ATP13A2: variants seen among roughly 807,000 people sequenced by gnomAD.
ATP13A2 encodes the protein ATPase cation transporting 13A2, also known as polyamine-transporting ATPase 13A2.
Under a neutral mutation model 138.3 loss-of-function variants are expected in ATP13A2, and 83 were observed. That is an observed-to-expected ratio of 0.60 (90% CI 0.50 to 0.72). ATP13A2 has a LOEUF of 0.72. ATP13A2 is among the 30% of genes least tolerant of loss of function. The probability of loss-of-function intolerance (pLI) is 0.00; values close to 1 mark genes in which losing one functional copy is unlikely to be tolerated. For missense variants in ATP13A2, 1,402 were observed against 1,606.4 expected (o/e 0.87, Z 2.17); for synonymous variants, 663 against 699.0 (o/e 0.95, Z 0.81).
In ATP13A2 at chr1:17,002,276, C is replaced by T. The variant is rs747712505; in HGVS notation, c.635+20G>A. On this transcript the variant is annotated intron_variant, in intron 7 of 28. Coordinates refer to ENST00000326735, the MANE Select transcript of ATP13A2 (RefSeq NM_022089.4). Reference sequence around the variant, plus strand: ...AGGAGCCCCAGTTCTCAGGGCACCCCGGTCCAGGGCAGCACTGACCTCACC... The same window carrying T: ...AGGAGCCCCAGTTCTCAGGGCACCCTGGTCCAGGGCAGCACTGACCTCACC... The T allele has an allele frequency of 1.1e-5, 18 of 1,611,366 alleles. No homozygotes were observed. The highest frequency in any genetic ancestry group is 2.2e-5 in the South Asian group (2 of 90,352).
At chr1:17,008,615 C>A (rs1430405679) in intron 1 of ATP13A2, among the ~76,000 whole-genome samples, 1 of 152,120 alleles carries the variant, frequency 6.6e-6, no homozygotes, top group Non-Finnish European at 1.5e-5. Flanking sequence ...GGCTGTCCCA[C>A]GGCTCCCTAG....
chr1:16,988,302 C>T lies in ATP13A2; in HGVS notation c.2762+20G>A. 1 of 1,614,208 alleles carries T rather than the reference C, an allele frequency of 6.2e-7. No homozygotes were observed. The highest frequency in any genetic ancestry group is 8.5e-7 in the Non-Finnish European group (1 of 1,180,038). On this transcript the variant is annotated intron_variant, in intron 24 of 28. Coordinates refer to ENST00000326735, the MANE Select transcript of ATP13A2 (RefSeq NM_022089.4). The stretch of plus-strand genomic sequence containing the variant: ...ACCAGCCCTGCTGAGCCCTCACCCA[C>T]CGGTCCCTGCCTGCCTTACCTGATG...
At position 16,992,463 on chromosome 1, in the gene ATP13A2, C is replaced by A. The variant is rs754237802; in HGVS notation, c.1845+23G>T. The A allele has an allele frequency of 1.4e-5, 23 of 1,613,752 alleles. No homozygotes were observed. The East Asian group carries it at 5.1e-4, about 36-fold the overall frequency. ...GGGAGCCCACCCCTCTGCCCTGCAC[C>A]CAACAGGCCCCCCTCAGCTCACCAT... On this transcript the variant is annotated intron_variant, in intron 17 of 28. Coordinates refer to ENST00000326735, the MANE Select transcript of ATP13A2 (RefSeq NM_022089.4).
At chr1:16,990,792 G>C (rs2076903613) in intron 20 of ATP13A2, among the ~76,000 whole-genome samples, 1 of 152,320 alleles carries the variant, frequency 6.6e-6, no homozygotes, top group Admixed American at 6.5e-5. Flanking sequence ...GGAGTGCTGG[G>C]ATTACAGGCA....
intron 16 of ATP13A2, among the ~76,000 whole-genome samples, chr1:16,993,369 G>A (rs1345233319): frequency 1.3e-5 from 2 of 152,142 alleles, no homozygotes; most frequent in Non-Finnish European, 2.9e-5. Flanking sequence ...CACCACGCCC[G>A]GCTAATTTTT....
chr1:16,993,805 C>G lies in ATP13A2; in HGVS notation c.1573G>C (p.Val525Leu). 1 of 1,576,266 alleles carries G rather than the reference C, an allele frequency of 6.3e-7. No homozygotes were observed. Among genetic ancestry groups the G allele is most frequent in the Admixed American group, 1.8e-5 (1 of 55,162 alleles). Reference protein sequence around the residue: ...TGTLTEDGLDVMGVVPLKGQA... With the variant: ...TGTLTEDGLDLMGVVPLKGQA... ...CCCTTCAGGGGCACCACCCCCATCA[C>G]GTCTAAGCCGTCCTCAGTGAGGGTG... The change falls in exon 16 of 29, where the codon GTG becomes CTG. Residue 525 changes from valine to leucine, a missense_variant. Val to Leu is a conservative substitution (Grantham distance 32, BLOSUM62 1). Transcript: ENST00000326735.
At chr1:17,008,915 G>A (rs2077669610) in intron 1 of ATP13A2, among the ~76,000 whole-genome samples, 1 of 142,880 alleles carries the variant, frequency 7.0e-6, no homozygotes, top group African/African-American at 2.6e-5. Context: ...AGTGAGCTGA[G>A]ATCACGCCAC....
rs1198645332 is a variant in ATP13A2, at chr1:16,996,453, G to A, written c.1239C>T (p.His413=). 5 of 1,614,132 alleles carry A rather than the reference G, an allele frequency of 3.1e-6. No individual in the cohort carries two copies. The highest frequency in any genetic ancestry group is 1.6e-4 in the Middle Eastern group (1 of 6,062). The part of the protein sequence containing the change: ...AKGGLVSSIL[H]PRPINFKFYK... Reference sequence around the variant, plus strand: ...AGAACTTGAAGTTGATGGGCCGGGGGTGCAAGATGGAGCTCACCAGGCCCC... The same window carrying A: ...AGAACTTGAAGTTGATGGGCCGGGGATGCAAGATGGAGCTCACCAGGCCCC... The change falls in exon 13 of 29, where the codon CAC becomes CAT. Residue 413 remains histidine, a synonymous_variant. Transcript: ENST00000326735.
chr1:17,005,551 G>A lies in ATP13A2; in HGVS notation c.111C>T (p.Leu37=), dbSNP rs1331180219. The change falls in exon 3 of 29, where the codon CTC becomes CTT. Residue 37 remains leucine, a synonymous_variant. Coordinates refer to ENST00000326735, the MANE Select transcript of ATP13A2 (RefSeq NM_022089.4). ...TCCATGGACTGCCACAGTAGCCGCT[G>A]AGCCTCTGCGAACGCAGCGAGAGAG... ...PLSSSVSSVR[L]SGYCGSPWRV... The A allele has an allele frequency of 1.4e-5, 23 of 1,614,128 alleles. No individual in the cohort carries two copies. Among genetic ancestry groups the A allele is most frequent in the Non-Finnish European group, 1.5e-5 (18 of 1,180,056 alleles).
chr1:16,990,714 G>A (rs535338219), intron 20 of ATP13A2, among the ~76,000 whole-genome samples: 19 of 152,210 alleles, frequency 1.2e-4, no homozygotes, highest in African/African-American at 4.1e-4. Context: ...TAGAGATGGG[G>A]TTTCACCATG....
At chr1:16,994,525 G>T (rs961240071) in intron 15 of ATP13A2, among the ~76,000 whole-genome samples, 1 of 151,952 alleles carries the variant, frequency 6.6e-6, no homozygotes, top group Non-Finnish European at 1.5e-5. Context: ...GAGCCACCAC[G>T]CCCAGCCTCA....
chr1:16,995,363 GAC>G lies in ATP13A2; in HGVS notation c.1542+611_1542+612del, dbSNP rs1285940786. The G allele has an allele frequency of 1.6e-5, 3 of 186,594 alleles. No individual in the cohort carries two copies. The highest frequency in any genetic ancestry group is 3.4e-5 in the Non-Finnish European group (3 of 88,696). The allele number at this position is 186,594 out of a possible 1,614,324, so 11.6% of individuals were successfully genotyped here. On this transcript the variant is annotated intron_variant, in intron 15 of 28. Coordinates refer to ENST00000326735, the MANE Select transcript of ATP13A2 (RefSeq NM_022089.4). The surrounding 1 kb of genome is among the most constrained non-coding windows in gnomAD (Gnocchi z 4.1). ...TCCTGGATCACTTACTTTGGTGGGG[GAC>G]ACACACACTCCAGTGACCACAAGGA...
At position 17,000,016 on chromosome 1, in the gene ATP13A2, A is replaced by G; in HGVS notation, c.1034T>C (p.Leu345Pro). 1 of 1,607,402 alleles carries G rather than the reference A, an allele frequency of 6.2e-7. No homozygotes were observed. Among genetic ancestry groups the G allele is most frequent in the South Asian group, 1.1e-5 (1 of 90,270 alleles). ...GCCAGGGGCTGGGGGCTCACCTGTCAGAGAGCTCTCATTCACCATGCACTC... is the reference window on the plus strand; with the variant it reads ...GCCAGGGGCTGGGGGCTCACCTGTCGGAGAGCTCTCATTCACCATGCACTC... ...AGECMVNESSLTGESIPVLKT... is the reference protein window; with the variant it reads ...AGECMVNESSPTGESIPVLKT... The change falls in exon 11 of 29, where the codon CTG becomes CCG. Residue 345 changes from leucine (L) to proline (P), a missense_variant. Physicochemically the swap from Leu to Pro is moderately conservative, Grantham distance 98. Transcript: ENST00000326735.
At position 17,011,685 on chromosome 1, in the gene ATP13A2, G is replaced by C; in HGVS notation, c.10+44C>G. Reference sequence around the variant, plus strand: ...AAGGGGTGACGACAACTGGCGGGCCGGGGACCGCGCCGGGCTCGGGGCCGA... The same window carrying C: ...AAGGGGTGACGACAACTGGCGGGCCCGGGACCGCGCCGGGCTCGGGGCCGA... On this transcript the variant is annotated intron_variant, in intron 1 of 28. Coordinates refer to ENST00000326735, the MANE Select transcript of ATP13A2 (RefSeq NM_022089.4). This position sits in a 1 kb window ranked among gnomAD's most constrained non-coding sequence, Gnocchi z 7.3. 1.4e-6 allele frequency: 2 copies of C among 1,478,436 alleles called. No homozygotes were observed. The highest frequency in any genetic ancestry group is 1.8e-6 in the Non-Finnish European group (2 of 1,120,624). The allele number at this position is 1,478,436 out of a possible 1,614,324, so 91.6% of individuals were successfully genotyped here.
At position 17,011,613 on chromosome 1, in the gene ATP13A2, T is replaced by C; in HGVS notation, c.10+116A>G. The C allele has an allele frequency of 7.6e-7, 1 of 1,315,898 alleles. No individual in the cohort carries two copies. Among genetic ancestry groups the C allele is most frequent in the South Asian group, 1.6e-5 (1 of 62,998 alleles). The allele number at this position is 1,315,898 out of a possible 1,614,324, so 81.5% of individuals were successfully genotyped here. ...GGATCCCCAACCAGGTCCCGCTTCC[T>C]GGGCTCGCGACCCCGCGGTGGGGGG... On this transcript the variant is annotated intron_variant, in intron 1 of 28. Coordinates refer to ENST00000326735, the MANE Select transcript of ATP13A2 (RefSeq NM_022089.4). The surrounding 1 kb of genome is among the most constrained non-coding windows in gnomAD (Gnocchi z 7.3).
Position 16,989,886 on chromosome 1 carries a change from C to T in ATP13A2, c.2529+1G>A, listed in dbSNP as rs776448394. 5.0e-6 allele frequency: 8 copies of T among 1,605,784 alleles called. No individual in the cohort carries two copies. The Admixed American group carries it at 5.2e-5, about 10-fold the overall frequency. ...GGCCAGGGAGCTGGGGGCGGCCCTACCTTGGGCAGCAGCTTGGGGAAGTGC... is the reference window on the plus strand; with the variant it reads ...GGCCAGGGAGCTGGGGGCGGCCCTATCTTGGGCAGCAGCTTGGGGAAGTGC... On this transcript the variant is annotated splice_donor_variant, in intron 22 of 28. Transcript: ENST00000326735. LOFTEE classifies it high-confidence loss of function.
chr1:16,999,121 T>C (rs977722586), intron 11 of ATP13A2, among the ~76,000 whole-genome samples: 2 of 151,950 alleles, frequency 1.3e-5, no homozygotes, highest in Non-Finnish European at 2.9e-5. Context: ...TGGTTCATGC[T>C]TGTAATCCCA....
intron 15 of ATP13A2, 137 bp from the exon 16 acceptor site, chr1:16,993,972 C>G (rs760758760): frequency 2.8e-6 from 2 of 720,762 alleles, no homozygotes; most frequent in Non-Finnish European, 4.6e-6. Flanking sequence ...GATGACCTTT[C>G]TTGACTGCTG....
intron 20 of ATP13A2, 88 bp from the exon 21 acceptor site, chr1:16,990,375 A>G: frequency 6.5e-7 from 1 of 1,545,446 alleles, no homozygotes; most frequent in East Asian, 2.3e-5. Context: ...AACAGGCTGG[A>G]TGAAATCCGT....
Sources: allele counts gnomAD v4.1 joint callset (sites outside exome capture counted in the v4.1 genomes callset), GRCh38; gene constraint gnomAD v4.1.1; non-coding constraint Gnocchi (gnomAD v3.1); transcripts MANE v1.5; gene names NCBI Gene and HGNC (gene_info 2026-07-23, HGNC 2026-07-21).